SLC2A9: variants seen among roughly 807,000 people sequenced by gnomAD.
SLC2A9 encodes the protein solute carrier family 2, facilitated glucose transporter member 9.
A neutral mutation model predicts 50.6 loss-of-function variants in SLC2A9; 39 were observed. That is an observed-to-expected ratio of 0.77 (90% CI 0.60 to 1.01). The LOEUF is 1.01. SLC2A9 is among the 50% of genes least tolerant of loss of function. SLC2A9 has a pLI of 0.00. For missense variants in SLC2A9, 686 were observed against 677.6 expected (o/e 1.01, Z -0.14); for synonymous variants, 324 against 276.9 (o/e 1.17, Z -1.69).
intron 10 of SLC2A9, among the ~76,000 whole-genome samples, chr4:9,842,538 T>C (rs10939558): frequency 0.46 from 70,575 of 152,082 alleles, 19,404 homozygotes; most frequent in Non-Finnish European, 0.63. Flanking sequence ...TAGAGGGCCT[T>C]GCCCAGTTAC....
intron 7 of SLC2A9, 21 bp from the exon 8 acceptor site, chr4:9,908,366 A>T: frequency 1.3e-6 from 2 of 1,518,060 alleles, no homozygotes; most frequent in Non-Finnish European, 1.8e-6. Context: ...GGAAAGAATG[A>T]GCAGAGAGAA....
At chr4:9,915,056 C>A (rs1396072525) in intron 7 of SLC2A9, among the ~76,000 whole-genome samples, 1 of 152,196 alleles carries the variant, frequency 6.6e-6, no homozygotes, top group Non-Finnish European at 1.5e-5. Context: ...GCCTGGTCTT[C>A]TTTGAACTCT....
chr4:9,943,735 G>C (rs945204014), intron 5 of SLC2A9, among the ~76,000 whole-genome samples: 3 of 152,210 alleles, frequency 2.0e-5, no homozygotes, highest in African/African-American at 7.2e-5. Context: ...CGCTAGGCCT[G>C]TGTGTGGTGG....
At chr4:9,968,758 T>G (rs1753437427) in intron 5 of SLC2A9, among the ~76,000 whole-genome samples, 1 of 152,202 alleles carries the variant, frequency 6.6e-6, no homozygotes, top group African/African-American at 2.4e-5. Context: ...GAAGGAGGTT[T>G]TTCATTGCCT....
At position 9,835,014 on chromosome 4, in the gene SLC2A9, G is replaced by A. The variant is rs372628073; in HGVS notation, c.1292-6C>T. On this transcript the variant is annotated splice_polypyrimidine_tract_variant and splice_region_variant and intron_variant, in intron 10 of 11. Transcript: ENST00000264784. ...CAAGATGAACGGGATGCCACCTGCA[G>A]TGTGTGAGCCAGGACATGGAATTAA... The A allele has an allele frequency of 2.2e-4, 361 of 1,613,104 alleles. 2 individuals carry two copies. In the African/African-American group the frequency reaches 4.5e-3, roughly 20 times the overall value.
intron 8 of SLC2A9, among the ~76,000 whole-genome samples, chr4:9,902,158 C>G (rs1739755262): frequency 6.6e-6 from 1 of 151,774 alleles, no homozygotes; most frequent in South Asian, 2.1e-4. Flanking sequence ...AAAATGGCAA[C>G]TGCCCCCGTC....
chr4:9,772,237 T>G (rs1354835631), intron 1 of SLC2A9, among the ~76,000 whole-genome samples: 3 of 152,090 alleles, frequency 2.0e-5, no homozygotes, highest in Admixed American at 2.0e-4. Context: ...AGGACCTGAA[T>G]TAGGAGGTGG....
intron 8 of SLC2A9, among the ~76,000 whole-genome samples, chr4:9,892,016 C>T (rs1465280281): frequency 6.6e-6 from 1 of 152,242 alleles, no homozygotes; most frequent in African/African-American, 2.4e-5. Flanking sequence ...ACAATGGAAC[C>T]CAGCTGCAGG....
intron 3 of SLC2A9, chr4:9,781,843 C>G: frequency 2.1e-6 from 1 of 478,728 alleles, no homozygotes; most frequent in Admixed American, 3.9e-5. Context: ...GAGCCAGAGG[C>G]GCTTCAGGAG....
chr4:9,890,573 C>T, intron 9 of SLC2A9, 37 bp downstream of exon 9: 6 of 1,596,196 alleles, frequency 3.8e-6, no homozygotes, highest in African/African-American at 1.3e-5. Context: ...CAGCTCCATG[C>T]TTATCTCCCT....
At position 9,959,739 on chromosome 4, in the gene SLC2A9, C is replaced by A. The variant is rs573821207; in HGVS notation, c.682-17694G>T. Among the ~76,000 whole-genome samples, 8 of 152,118 alleles carry A rather than the reference C, an allele frequency of 5.3e-5. No individual in the cohort carries two copies. In the East Asian group the frequency reaches 1.2e-3, roughly 22 times the overall value. On this transcript the variant is annotated intron_variant, in intron 5 of 11. Transcript: ENST00000264784. Reference sequence around the variant, plus strand: ...TATGAATACTTTTCCTTTGGGGTTCCCTTTGTGGAGTTTCAAGTGCCCCTT... The same window carrying A: ...TATGAATACTTTTCCTTTGGGGTTCACTTTGTGGAGTTTCAAGTGCCCCTT...
chr4:10,032,839 T>A (rs907268176), intron 1 of SLC2A9, among the ~76,000 whole-genome samples: 1 of 152,182 alleles, frequency 6.6e-6, no homozygotes, highest in Non-Finnish European at 1.5e-5. Context: ...TTGGCTTCAA[T>A]GGCATAGTGA....
intron 2 of SLC2A9, among the ~76,000 whole-genome samples, chr4:10,015,686 A>C (rs1762501634): frequency 2.0e-5 from 3 of 152,258 alleles, no homozygotes; most frequent in Admixed American, 2.0e-4. Flanking sequence ...AGGCAGTGAG[A>C]AAGAGGCCGT....
At chr4:9,874,091 A>G (rs1396018738) in intron 10 of SLC2A9, among the ~76,000 whole-genome samples, 2 of 152,064 alleles carry the variant, frequency 1.3e-5, no homozygotes, top group East Asian at 3.9e-4. Flanking sequence ...ATGTCCCCTG[A>G]GGCCCTTTTA....
chr4:10,033,062 C>G (rs373345308), intron 1 of SLC2A9, among the ~76,000 whole-genome samples: 3 of 152,336 alleles, frequency 2.0e-5, no homozygotes, highest in South Asian at 4.1e-4. Flanking sequence ...CCTCCCTCAT[C>G]CCTTTCACGT....
downstream of SLC2A9, among the ~76,000 whole-genome samples, chr4:9,775,054 T>C (rs1014308756): frequency 6.6e-6 from 1 of 152,142 alleles, no homozygotes; most frequent in African/African-American, 2.4e-5. Flanking sequence ...GAATTCAGCA[T>C]AATGACGGGC....
chr4:9,829,839 C>T (rs1016254675), intron 11 of SLC2A9, among the ~76,000 whole-genome samples: 3 of 151,972 alleles, frequency 2.0e-5, no homozygotes, highest in Non-Finnish European at 2.9e-5. Flanking sequence ...GTCAAAATGG[C>T]GATTATTAAA....
At chr4:9,902,746 C>A (rs560939271) in intron 8 of SLC2A9, among the ~76,000 whole-genome samples, 1 of 152,280 alleles carries the variant, frequency 6.6e-6, no homozygotes, top group Non-Finnish European at 1.5e-5. Context: ...TAAGGACAGT[C>A]GTATTGGATT....
chr4:9,965,590 T>A (rs1473377053), intron 5 of SLC2A9, among the ~76,000 whole-genome samples: 1 of 152,198 alleles, frequency 6.6e-6, no homozygotes, highest in Non-Finnish European at 1.5e-5. Context: ...ATGACCTTTC[T>A]TTATGTAATA....
Sources: allele counts gnomAD v4.1 joint callset (sites outside exome capture counted in the v4.1 genomes callset), GRCh38; gene constraint gnomAD v4.1.1; transcripts MANE v1.5; gene names NCBI Gene and HGNC (gene_info 2026-07-23, HGNC 2026-07-21).